Variants in ATXN1 observed in about 807,000 individuals in gnomAD.
ATXN1 encodes ataxin 1, also known as ataxin-1.
A neutral mutation model predicts 56.4 loss-of-function variants in ATXN1; 8 were observed. That is an observed-to-expected ratio of 0.14 (90% CI 0.08 to 0.26). The LOEUF (loss-of-function observed/expected upper bound fraction) is 0.26, where lower values mean the gene tolerates loss of function less well. Among genes scored for constraint, ATXN1 ranks in the 10% least tolerant of loss-of-function variants. The probability of loss-of-function intolerance (pLI) is 1.00; values close to 1 mark genes in which losing one functional copy is unlikely to be tolerated. For missense variants in ATXN1, 987 were observed against 1,106.5 expected, an observed-to-expected ratio of 0.89 and a Z score of 1.53; for synonymous variants, 514 against 494.6, an observed-to-expected ratio of 1.04 and a Z score of -0.52.
chr6:16,332,641 C>T (rs1410017575), intron 6 of ATXN1, among the ~76,000 whole-genome samples: 1 of 152,222 alleles, frequency 6.6e-6, no homozygotes, highest in African/African-American at 2.4e-5. Context: ...ACTGTTTAAA[C>T]ATTCCTATTG....
At chr6:16,514,168 C>T (rs1259500423) in intron 5 of ATXN1, among the ~76,000 whole-genome samples, 3 of 152,132 alleles carry the variant, frequency 2.0e-5, no homozygotes, top group Non-Finnish European at 2.9e-5. Context: ...TCAATACATG[C>T]CTCCTCTCGC....
At chr6:16,454,425 C>A (rs970797464) in intron 6 of ATXN1, among the ~76,000 whole-genome samples, 11 of 152,152 alleles carry the variant, frequency 7.2e-5, no homozygotes, top group Non-Finnish European at 1.6e-4. Context: ...GTTAACCCCC[C>A]CTGCTAGGGG....
chr6:16,395,074 C>T (rs1758424695), intron 6 of ATXN1, among the ~76,000 whole-genome samples: 2 of 151,914 alleles, frequency 1.3e-5, no homozygotes, highest in Non-Finnish European at 1.5e-5. Flanking sequence ...GAGTTCGAGA[C>T]CAGTCGGACC....
chr6:16,324,446 T>A (rs1216148818), intron 7 of ATXN1, among the ~76,000 whole-genome samples: 5 of 139,028 alleles, frequency 3.6e-5, no homozygotes, highest in African/African-American at 1.5e-4. Context: ...AAACACTGTC[T>A]CAAAAATGAA....
At chr6:16,376,106 T>C (rs868829679) in intron 6 of ATXN1, among the ~76,000 whole-genome samples, 89 of 152,224 alleles carry the variant, frequency 5.8e-4, no homozygotes, top group Admixed American at 1.6e-3. Flanking sequence ...AAAATGTAAA[T>C]GATTCAAGAA....
At position 16,642,476 on chromosome 6, in the gene ATXN1, T is replaced by C. The variant is rs182615972; in HGVS notation, c.-489+15300A>G. 7.1e-3 allele frequency among the ~76,000 whole-genome samples: 1,079 copies of C among 152,322 alleles called. 6 individuals are homozygous for C. The highest frequency in any genetic ancestry group is 0.011 in the South Asian group (55 of 4,826). On this transcript the variant is annotated intron_variant, in intron 3 of 7. Coordinates refer to ENST00000436367, the MANE Select transcript of ATXN1 (RefSeq NM_001128164.2). ...CCTGATGAAGATACTGTGAACACTG[T>C]TAAAATGACAACAAAGGATTTGAAA...
intron 6 of ATXN1, chr6:16,485,294 C>T (rs1561720629): frequency 1.3e-5 from 2 of 152,010 alleles, no homozygotes; most frequent in Non-Finnish European, 2.9e-5. Context: ...GGAAGGGCTC[C>T]CTGAAGTCAC....
At chr6:16,344,044 T>A (rs1353834967) in intron 6 of ATXN1, among the ~76,000 whole-genome samples, 1 of 152,206 alleles carries the variant, frequency 6.6e-6, no homozygotes, top group Non-Finnish European at 1.5e-5. Context: ...ATGCTGCTGA[T>A]GCTGCTGGTC....
At chr6:16,657,078 G>C (rs1758219445) in intron 3 of ATXN1, among the ~76,000 whole-genome samples, 1 of 109,922 alleles carries the variant, frequency 9.1e-6, no homozygotes, top group Non-Finnish European at 1.8e-5. Context: ...CTGCCTCCCA[G>C]GTTCACGCCA....
At chr6:16,454,016 T>C (rs1030683433) in intron 6 of ATXN1, among the ~76,000 whole-genome samples, 1 of 150,094 alleles carries the variant, frequency 6.7e-6, no homozygotes, top group Non-Finnish European at 1.5e-5. Context: ...TGGTGGCACG[T>C]GCCTGTAATT....
In ATXN1 at chr6:16,679,276, G is replaced by GTGGGTGGA. The variant is rs376427767; in HGVS notation, c.-614-21376_-614-21375insTCCACCCA. On this transcript the variant is annotated intron_variant, in intron 2 of 7. Transcript: ENST00000436367. ...GATGGATGGATGGATGAGTTAGTGG[G>GTGGGTGGA]TGGATGGATGGATGGATGGATGGAT... is the stretch of plus-strand genomic sequence containing the variant. Among the ~76,000 whole-genome samples, 3 of 138,306 alleles carry GTGGGTGGA rather than the reference G, an allele frequency of 2.2e-5. 1 individual carries two copies. The highest frequency in any genetic ancestry group is 4.4e-4 in the East Asian group (2 of 4,578). The allele number at this position is 138,306 out of a possible 152,430, so 90.7% of individuals were successfully genotyped here.
intron 3 of ATXN1, among the ~76,000 whole-genome samples, chr6:16,648,489 A>G (rs755608206): frequency 1.3e-5 from 2 of 152,248 alleles, no homozygotes; most frequent in African/African-American, 4.8e-5. Context: ...ACAGTCACCA[A>G]AAAAGTTTGC....
At position 16,327,651 on chromosome 6, in the gene ATXN1, C is replaced by CTGT. The variant is rs1561852801; in HGVS notation, c.659_660insACA (p.Gln225dup). The CTGT allele has an allele frequency of 1.3e-6, 2 of 1,545,404 alleles. No homozygotes were observed. Among genetic ancestry groups the CTGT allele is most frequent in the African/African-American group, 1.5e-5 (1 of 65,884 alleles). ...TGCTGAGGTGCTGCTGCTGCTGCTGCTGCTGCTGCTGCTGCTGCTGCTGCT... is the reference window on the plus strand; with the variant it reads ...TGCTGAGGTGCTGCTGCTGCTGCTGCTGTTGCTGCTGCTGCTGCTGCTGCTGCT... On this transcript the variant is annotated inframe_insertion, in exon 7 of 8. Transcript: ENST00000436367.
At chr6:16,515,372 C>T (rs1478721924) in intron 5 of ATXN1, among the ~76,000 whole-genome samples, 2 of 152,266 alleles carry the variant, frequency 1.3e-5, no homozygotes, top group East Asian at 3.9e-4. Context: ...AGGACCCCTC[C>T]CCACAGCACT....
intron 2 of ATXN1, among the ~76,000 whole-genome samples, chr6:16,670,355 G>C (rs1758515335): frequency 6.6e-6 from 1 of 152,018 alleles, no homozygotes; most frequent in South Asian, 2.1e-4. Flanking sequence ...ATACAGATCT[G>C]ATCCTTGTAC....
chr6:16,672,042 C>T (rs986684572), intron 2 of ATXN1, among the ~76,000 whole-genome samples: 5 of 152,120 alleles, frequency 3.3e-5, no homozygotes, highest in Non-Finnish European at 7.4e-5. Context: ...GGAGGGTGCT[C>T]GTTAAAAGTA....
chr6:16,733,876 A>G (rs2113490383), intron 2 of ATXN1, among the ~76,000 whole-genome samples: 1 of 151,664 alleles, frequency 6.6e-6, no homozygotes, highest in South Asian at 2.1e-4. Flanking sequence ...GGCTGGGTGG[A>G]GTGGCTCATG....
chr6:16,552,735 G>C lies in ATXN1; in HGVS notation c.-360-30047C>G, dbSNP rs181439863. 3.2e-4 allele frequency among the ~76,000 whole-genome samples: 49 copies of C among 152,306 alleles called. No individual in the cohort carries two copies. The Middle Eastern group carries it at 0.01, about 32-fold the overall frequency. ...TGTACAGCCTTGACTGGCGGAGCTG[G>C]CCAGAACATTGCCTTACGGGGGTGT... On this transcript the variant is annotated intron_variant, in intron 4 of 7. Coordinates refer to ENST00000436367, the MANE Select transcript of ATXN1 (RefSeq NM_001128164.2).
chr6:16,587,561 T>C (rs569677565), intron 3 of ATXN1, among the ~76,000 whole-genome samples: 1 of 152,364 alleles, frequency 6.6e-6, no homozygotes, highest in South Asian at 2.1e-4. Context: ...TGCACTATTT[T>C]TGTTATGCCT....
Sources: allele counts gnomAD v4.1 joint callset (sites outside exome capture counted in the v4.1 genomes callset), GRCh38; gene constraint gnomAD v4.1.1; transcripts MANE v1.5; gene names NCBI Gene and HGNC (gene_info 2026-07-23, HGNC 2026-07-21).